CSMD1: variants seen among roughly 807,000 people sequenced by gnomAD.
CSMD1 encodes the protein CUB and sushi domain-containing protein 1.
CSMD1 carries 213 observed loss-of-function variants against 417.5 expected under a neutral mutation model. The observed-to-expected ratio is 0.51, with a 90% CI of 0.46 to 0.57. The LOEUF (loss-of-function observed/expected upper bound fraction) is 0.57, where lower values mean the gene tolerates loss of function less well. Ranked by LOEUF, CSMD1 falls within the 20% of genes least tolerant of loss-of-function variation. CSMD1 has a pLI of 0.00. For synonymous variants in CSMD1, 2,862 were observed against 1,736.8 expected (o/e 1.65, Z -16.11); for missense variants, 6,923 against 4,529.7 (o/e 1.53, Z -15.17).
At chr8:4,710,806 C>A (rs1808244419) in intron 1 of CSMD1, among the ~76,000 whole-genome samples, 1 of 151,678 alleles carries the variant, frequency 6.6e-6, no homozygotes, top group Admixed American at 6.6e-5. Context: ...GATCGCACCA[C>A]TGCGCTCTAG....
intron 26 of CSMD1, among the ~76,000 whole-genome samples, chr8:3,259,845 A>G (rs931620910): frequency 1.2e-4 from 15 of 125,194 alleles, no homozygotes; most frequent in African/African-American, 4.4e-4. Flanking sequence ...CATTTTTTAA[A>G]TGGTTAAAAA....
chr8:3,926,730 T>C (rs1343906688), intron 5 of CSMD1, among the ~76,000 whole-genome samples: 2 of 146,114 alleles, frequency 1.4e-5, no homozygotes, highest in Non-Finnish European at 3.0e-5. Flanking sequence ...TTTTTTTTTT[T>C]TTTTTTTATG....
intron 1 of CSMD1, among the ~76,000 whole-genome samples, chr8:4,760,443 T>G (rs1811965977): frequency 6.6e-6 from 1 of 152,166 alleles, no homozygotes; most frequent in Non-Finnish European, 1.5e-5. Context: ...TCCATGGCAT[T>G]TCCTAAATGC....
At position 3,657,774 on chromosome 8, in the gene CSMD1, C is replaced by T. The variant is rs1325139724; in HGVS notation, c.1010-40977G>A. On this transcript the variant is annotated intron_variant, in intron 7 of 69. Coordinates refer to ENST00000635120, the MANE Select transcript of CSMD1 (RefSeq NM_033225.6). Reference sequence around the variant, plus strand: ...ATGGGTTGATGGGCACAGCAAACCACCATGGCACGTGTATAACTATGTAAC... The same window carrying T: ...ATGGGTTGATGGGCACAGCAAACCATCATGGCACGTGTATAACTATGTAAC... 2.0e-5 allele frequency among the ~76,000 whole-genome samples: 3 copies of T among 152,054 alleles called. No individual in the cohort carries two copies. The South Asian group carries it at 6.2e-4, about 32-fold the overall frequency.
chr8:3,290,978 T>G (rs1334172764), intron 25 of CSMD1, among the ~76,000 whole-genome samples: 4 of 152,186 alleles, frequency 2.6e-5, no homozygotes. Flanking sequence ...AGATAGCTCT[T>G]ATTATTTTGA....
chr8:3,839,918 C>T (rs937546805), intron 5 of CSMD1, among the ~76,000 whole-genome samples: 1 of 151,942 alleles, frequency 6.6e-6, no homozygotes, highest in African/African-American at 2.4e-5. Context: ...AGAAGGAATT[C>T]ACAGAGATGC....
At chr8:4,745,502 A>T (rs1673265) in intron 1 of CSMD1, among the ~76,000 whole-genome samples, 123,258 of 152,146 alleles carry the variant, frequency 0.81, 50,470 homozygotes, top group African/African-American at 0.93. Context: ...TCTTAGAGTA[A>T]CTTAACATTT....
At chr8:2,994,171 A>AAAGG (rs1320139624) in intron 54 of CSMD1, among the ~76,000 whole-genome samples, 3 of 131,320 alleles carry the variant, frequency 2.3e-5, no homozygotes, top group African/African-American at 8.8e-5. Context: ...AAAAAAAAAA[A>AAAGG]GCAAGAAGAA....
At chr8:4,409,731 C>T in intron 3 of CSMD1, among the ~76,000 whole-genome samples, 1 of 149,318 alleles carries the variant, frequency 6.7e-6, no homozygotes, top group East Asian at 2.0e-4. Context: ...CCCAAGATGG[C>T]AAAGGAACAT....
intron 2 of CSMD1, among the ~76,000 whole-genome samples, chr8:4,532,611 C>T (rs185353817): frequency 1.4e-5 from 2 of 144,532 alleles, no homozygotes; most frequent in African/African-American, 2.6e-5. Context: ...AATCCTGCAC[C>T]GCCATTCAGA....
At chr8:4,265,157 A>T (rs1462380833) in intron 3 of CSMD1, among the ~76,000 whole-genome samples, 2 of 152,190 alleles carry the variant, frequency 1.3e-5, no homozygotes, top group Non-Finnish European at 2.9e-5. Flanking sequence ...TATTATTAGT[A>T]AAAATAAATA....
intron 3 of CSMD1, among the ~76,000 whole-genome samples, chr8:4,348,273 A>G (rs1563079781): frequency 6.6e-6 from 1 of 152,098 alleles, no homozygotes; most frequent in Non-Finnish European, 1.5e-5. Context: ...AGGGGAAGGT[A>G]GATATAACCA....
chr8:3,284,167 G>A lies in CSMD1; in HGVS notation c.4130C>T (p.Ser1377Phe). The A allele has an allele frequency of 6.3e-7, 1 of 1,576,766 alleles. No homozygotes were observed. Among genetic ancestry groups the A allele is most frequent in the South Asian group, 1.2e-5 (1 of 86,426 alleles). ...ACTGGAGAACTGGATGGAGAAGCCA[G>A]ACTTGCTGATGAAGAAGTCGCTGTC... The part of the protein sequence containing the change: ...QFDSDFFISK[S>F]GFSIQFSTSI... The change falls in exon 26 of 70, where the codon TCT (serine) becomes TTT (phenylalanine). Residue 1377 changes from serine to phenylalanine, a missense_variant. Physicochemically the swap from Ser to Phe is radical, Grantham distance 155. Coordinates refer to ENST00000635120, the MANE Select transcript of CSMD1 (RefSeq NM_033225.6).
At chr8:3,448,942 T>C (rs909218981) in intron 12 of CSMD1, among the ~76,000 whole-genome samples, 9 of 152,092 alleles carry the variant, frequency 5.9e-5, no homozygotes, top group Non-Finnish European at 2.9e-5. Flanking sequence ...CAAGAGTAAA[T>C]GTAGGAAAGA....
In CSMD1 at chr8:3,660,548, C is replaced by G. The variant is rs1169601948; in HGVS notation, c.1010-43751G>C. ...TTTTTTTTTTTTTTTTGAAAAAAAA[C>G]AAGGCCCTGCAGTCCAGGCAAGAGT... is the stretch of plus-strand genomic sequence containing the variant. On this transcript the variant is annotated intron_variant, in intron 7 of 69. Transcript: ENST00000635120. Among the ~76,000 whole-genome samples, 5 of 84,678 alleles carry G rather than the reference C, an allele frequency of 5.9e-5. 2 individuals carry two copies. Among genetic ancestry groups the G allele is most frequent in the Non-Finnish European group, 8.6e-5 (4 of 46,302 alleles). The allele number at this position is 84,678 out of a possible 152,430, so 55.6% of individuals were successfully genotyped here. A position where few individuals can be genotyped will look rare whatever the true frequency, so the allele number is the denominator to read the frequency against.
At chr8:4,012,174 C>A (rs1377310730) in intron 4 of CSMD1, among the ~76,000 whole-genome samples, 1 of 152,072 alleles carries the variant, frequency 6.6e-6, no homozygotes, top group African/African-American at 2.4e-5. Context: ...GCAGAACCCA[C>A]CAGTAAACAG....
chr8:4,220,016 C>A (rs545028144), intron 3 of CSMD1, among the ~76,000 whole-genome samples: 9 of 152,210 alleles, frequency 5.9e-5, no homozygotes, highest in African/African-American at 1.9e-4. Context: ...GTGGTGCGAT[C>A]TAGGCTGACT....
chr8:3,993,591 C>G (rs1188850492), intron 5 of CSMD1, among the ~76,000 whole-genome samples: 1 of 152,150 alleles, frequency 6.6e-6, no homozygotes, highest in Non-Finnish European at 1.5e-5. Context: ...ACTGTCACCC[C>G]AGAGTTTCCC....
At chr8:3,446,007 C>G (rs941230555) in intron 12 of CSMD1, among the ~76,000 whole-genome samples, 1 of 152,060 alleles carries the variant, frequency 6.6e-6, no homozygotes, top group Non-Finnish European at 1.5e-5. Flanking sequence ...AATGGAAAGT[C>G]AAAAATACTG....
Sources: allele counts gnomAD v4.1 joint callset (sites outside exome capture counted in the v4.1 genomes callset), GRCh38; gene constraint gnomAD v4.1.1; transcripts MANE v1.5; gene names NCBI Gene and HGNC (gene_info 2026-07-23, HGNC 2026-07-21).